Variants in SAMMSON observed in about 807,000 individuals in gnomAD.
SAMMSON encodes survival associated mitochondrial melanoma specific oncogenic non-coding RNA.
intron 4 of SAMMSON, among the ~76,000 whole-genome samples, chr3:70,212,524 T>C (rs1701361611): frequency 6.6e-6 from 1 of 152,112 alleles, no homozygotes; most frequent in South Asian, 2.1e-4. Flanking sequence ...ACTAAACATC[T>C]CTCAAGTCCG....
At chr3:70,030,357 C>T (rs2067059351) in intron 3 of SAMMSON, 1 of 152,168 alleles carries the variant, frequency 6.6e-6, no homozygotes, top group African/African-American at 2.4e-5. Flanking sequence ...TGCTGGCCAC[C>T]TTAAGAGACT....
chr3:70,001,991 A>C (rs2066907623), intron 1 of SAMMSON, among the ~76,000 whole-genome samples: 1 of 152,182 alleles, frequency 6.6e-6, no homozygotes, highest in Non-Finnish European at 1.5e-5. Flanking sequence ...GCTTGTAAAC[A>C]AAGAGAGTTA....
chr3:70,045,012 A>AG (rs1559779639), intron 3 of SAMMSON, among the ~76,000 whole-genome samples: 1,591 of 130,698 alleles, frequency 0.012, 66 homozygotes, highest in African/African-American at 0.043. Context: ...AATTATATAT[A>AG]TATAATTAAT....
chr3:70,245,947 C>T (rs1186671971), intron 4 of SAMMSON, among the ~76,000 whole-genome samples: 2 of 151,048 alleles, frequency 1.3e-5, no homozygotes, highest in African/African-American at 4.9e-5. Context: ...GCTCTTCCTG[C>T]CTGCTTTGTT....
At chr3:70,325,461 A>G (rs1702571603) in intron 7 of SAMMSON, among the ~76,000 whole-genome samples, 1 of 152,158 alleles carries the variant, frequency 6.6e-6, no homozygotes, top group Non-Finnish European at 1.5e-5. Context: ...TCAAGTGTTC[A>G]TTTACATTTC....
chr3:70,140,401 A>T, intron 4 of SAMMSON: 1 of 198,944 alleles, frequency 5.0e-6, no homozygotes. Flanking sequence ...TCCAGTCACA[A>T]AGAAGAGAAT....
At position 70,202,137 on chromosome 3, in the gene SAMMSON, G is replaced by C. The variant is rs933051849; in HGVS notation, n.508-46970G>C. 2.7e-4 allele frequency among the ~76,000 whole-genome samples: 41 copies of C among 152,108 alleles called. 1 individual carries two copies. Among genetic ancestry groups the C allele is most frequent in the African/African-American group, 9.9e-4 (41 of 41,410 alleles). On this transcript the variant is annotated intron_variant and non_coding_transcript_variant, in intron 4 of 9. Transcript: ENST00000642114. Reference sequence around the variant, plus strand: ...TTAGTGACTAGTGGTCTATCTGATAGTGATTGGTGACTGACTAGTGGTCTA... The same window carrying C: ...TTAGTGACTAGTGGTCTATCTGATACTGATTGGTGACTGACTAGTGGTCTA...
At chr3:70,078,992 C>G (rs1440225405) in intron 4 of SAMMSON, among the ~76,000 whole-genome samples, 1 of 152,222 alleles carries the variant, frequency 6.6e-6, no homozygotes, top group Non-Finnish European at 1.5e-5. Flanking sequence ...AGTTGGAACA[C>G]AGCCGTGCTC....
chr3:70,316,752 C>T (rs1316546067), intron 7 of SAMMSON, among the ~76,000 whole-genome samples: 2 of 152,026 alleles, frequency 1.3e-5, no homozygotes, highest in Non-Finnish European at 2.9e-5. Flanking sequence ...ACAGCTAACA[C>T]CACAAGGCAT....
At chr3:70,128,836 C>A (rs1460096857) in intron 4 of SAMMSON, among the ~76,000 whole-genome samples, 1 of 152,136 alleles carries the variant, frequency 6.6e-6, no homozygotes, top group African/African-American at 2.4e-5. Context: ...CTATTAATAA[C>A]CCTCAGTATC....
chr3:70,179,026 G>T (rs138004236), intron 4 of SAMMSON, among the ~76,000 whole-genome samples: 227 of 152,096 alleles, frequency 1.5e-3, no homozygotes, highest in Middle Eastern at 3.4e-3. Context: ...ATAATAATAA[G>T]AAGAAGAACT....
intron 9 of SAMMSON, among the ~76,000 whole-genome samples, chr3:70,364,068 T>C (rs948584458): frequency 6.6e-6 from 1 of 151,892 alleles, no homozygotes. Context: ...TAATACTTAA[T>C]ATTTCTATCA....
intron 3 of SAMMSON, among the ~76,000 whole-genome samples, chr3:70,067,678 G>A (rs1009891019): frequency 6.6e-6 from 1 of 152,088 alleles, no homozygotes; most frequent in Admixed American, 6.6e-5. Flanking sequence ...TTTATGCATT[G>A]GTGGACTAAT....
rs1417804909 is a variant in SAMMSON at position 70,349,758 on chromosome 3, G to A, written n.740-4417G>A. 2.6e-5 allele frequency among the ~76,000 whole-genome samples: 4 copies of A among 152,148 alleles called. No individual in the cohort carries two copies. In the East Asian group the frequency reaches 7.7e-4, roughly 29 times the overall value. ...CCCTGGCAGGGGTAGGTACAGTACT[G>A]TAGACAGTATATTATGCATAAACAG... On this transcript the variant is annotated intron_variant and non_coding_transcript_variant, in intron 7 of 9. Coordinates refer to ENST00000642114, the Ensembl canonical transcript of SAMMSON.
chr3:70,145,185 C>T (rs1168259324), intron 4 of SAMMSON, among the ~76,000 whole-genome samples: 1 of 152,066 alleles, frequency 6.6e-6, no homozygotes, highest in East Asian at 1.9e-4. Context: ...ATTCACCTAA[C>T]AACAGAATTT....
chr3:70,119,319 G>C (rs1394452597), intron 4 of SAMMSON, among the ~76,000 whole-genome samples: 1 of 152,032 alleles, frequency 6.6e-6, no homozygotes, highest in Non-Finnish European at 1.5e-5. Flanking sequence ...CACCTGCCTT[G>C]GTCTCCCAAA....
At chr3:70,334,742 G>C (rs1006862222) in intron 7 of SAMMSON, among the ~76,000 whole-genome samples, 7 of 151,964 alleles carry the variant, frequency 4.6e-5, no homozygotes, top group African/African-American at 1.4e-4. Flanking sequence ...TGAAAAACTT[G>C]CCCAGAGCTA....
At chr3:70,219,072 A>G (rs1403412648) in intron 4 of SAMMSON, among the ~76,000 whole-genome samples, 3 of 152,190 alleles carry the variant, frequency 2.0e-5, no homozygotes, top group African/African-American at 7.2e-5. Context: ...AATTATTTCT[A>G]AACACCAAAT....
intron 4 of SAMMSON, among the ~76,000 whole-genome samples, chr3:70,085,739 T>C (rs1435140802): frequency 1.3e-5 from 2 of 152,226 alleles, no homozygotes; most frequent in Non-Finnish European, 2.9e-5. Flanking sequence ...AATAATTATA[T>C]AGTGTCAGCT....
Sources: gnomAD v4.1 joint callset for allele counts (sites outside exome capture counted in the v4.1 genomes callset) on GRCh38, gnomAD v4.1.1 for gene constraint, MANE v1.5 for transcripts, NCBI Gene and HGNC (gene_info 2026-07-23, HGNC 2026-07-21) for gene names.